BBS9: variants seen among roughly 807,000 people sequenced by gnomAD.
The protein encoded by BBS9 is protein PTHB1.
Under a neutral mutation model 117.7 loss-of-function variants are expected in BBS9, and 89 were observed. The ratio of observed to expected loss-of-function variants is 0.76; its 90% CI spans 0.64 to 0.90. BBS9 has a LOEUF of 0.90. BBS9 is among the 40% of genes least tolerant of loss of function. The pLI, the probability that BBS9 is intolerant of heterozygous loss-of-function variation, is 0.00. For missense variants in BBS9, 982 were observed against 1,042.2 expected, an observed-to-expected ratio of 0.94 and a Z score of 0.80; for synonymous variants, 379 against 370.9, an observed-to-expected ratio of 1.02 and a Z score of -0.25.
chr7:33,198,466 T>G (rs948242058), intron 5 of BBS9, among the ~76,000 whole-genome samples: 7 of 151,984 alleles, frequency 4.6e-5, no homozygotes, highest in African/African-American at 1.7e-4. Flanking sequence ...CCAAGGGAAC[T>G]ATGTAAAAAG....
chr7:33,538,113 A>C (rs1043193938), intron 21 of BBS9, among the ~76,000 whole-genome samples: 5 of 152,202 alleles, frequency 3.3e-5, no homozygotes, highest in African/African-American at 1.2e-4. Flanking sequence ...TCAAGTGAAC[A>C]TTCTCTTAAT....
At chr7:33,606,911 T>C (rs1864604645), downstream of BBS9, among the ~76,000 whole-genome samples, 1 of 152,158 alleles carries the variant, frequency 6.6e-6, no homozygotes, top group Admixed American at 6.6e-5. Flanking sequence ...GTTGTGTCTC[T>C]CTTATATGCC....
At chr7:33,352,195 T>A (rs1436643999) in intron 14 of BBS9, 1 of 153,234 alleles carries the variant, frequency 6.5e-6, no homozygotes, top group Non-Finnish European at 1.5e-5. Flanking sequence ...TTTTAGTGAC[T>A]AAATAAAACT....
intron 15 of BBS9, among the ~76,000 whole-genome samples, chr7:33,353,163 C>T (rs1033907125): frequency 1.3e-5 from 2 of 152,046 alleles, no homozygotes; most frequent in Non-Finnish European, 2.9e-5. Flanking sequence ...CTTATTACTG[C>T]AAGTCATTGG....
chr7:33,206,527 C>G (rs531814719), intron 5 of BBS9, among the ~76,000 whole-genome samples: 30 of 152,066 alleles, frequency 2.0e-4, no homozygotes, highest in African/African-American at 7.0e-4. Flanking sequence ...ACCTTATTTG[C>G]TTTATGTTTT....
intron 21 of BBS9, among the ~76,000 whole-genome samples, chr7:33,536,060 G>A (rs1226082695): frequency 6.6e-6 from 1 of 152,044 alleles, no homozygotes; most frequent in Non-Finnish European, 1.5e-5. Context: ...ATGTATGGAA[G>A]TAAAGGACAG....
At chr7:33,573,736 C>G (rs1026278917) in intron 21 of BBS9, among the ~76,000 whole-genome samples, 3 of 152,104 alleles carry the variant, frequency 2.0e-5, no homozygotes, top group African/African-American at 4.8e-5. Context: ...TTTGTTCCAC[C>G]TTATTTTTTA....
intron 17 of BBS9, among the ~76,000 whole-genome samples, chr7:33,373,310 G>A (rs908809115): frequency 6.6e-6 from 1 of 152,192 alleles, no homozygotes; most frequent in East Asian, 1.9e-4. Context: ...AGAAGACAAC[G>A]CAGAAGTTTT....
chr7:33,328,661 A>G (rs966880555), intron 9 of BBS9, among the ~76,000 whole-genome samples: 1 of 152,244 alleles, frequency 6.6e-6, no homozygotes, highest in Non-Finnish European at 1.5e-5. Flanking sequence ...TGACAATGTG[A>G]TAACCTACAA....
intron 19 of BBS9, among the ~76,000 whole-genome samples, chr7:33,406,264 A>G (rs991134086): frequency 2.6e-5 from 4 of 152,158 alleles, no homozygotes; most frequent in African/African-American, 9.7e-5. Flanking sequence ...ACTTCCAAGT[A>G]TGTGGTCAAT....
At chr7:33,612,990 G>C (rs1451246819) in intron 21 of BBS9, among the ~76,000 whole-genome samples, 1 of 151,984 alleles carries the variant, frequency 6.6e-6, no homozygotes. Flanking sequence ...GCAAAATTAA[G>C]TTGTTTTCAG....
chr7:33,564,609 T>G (rs1283379150), intron 21 of BBS9, among the ~76,000 whole-genome samples: 1 of 152,212 alleles, frequency 6.6e-6, no homozygotes, highest in Non-Finnish European at 1.5e-5. Context: ...GATTTATTCT[T>G]TTTTTTGCGT....
At chr7:33,404,375 G>T (rs540103022) in intron 19 of BBS9, among the ~76,000 whole-genome samples, 1,657 of 152,158 alleles carry the variant, frequency 0.011, 16 homozygotes, top group South Asian at 0.039. Flanking sequence ...TTCCAATTCT[G>T]TGAAGAAAGT....
intron 1 of BBS9, among the ~76,000 whole-genome samples, chr7:33,131,145 T>C (rs1018928885): frequency 6.6e-6 from 1 of 152,246 alleles, no homozygotes. Context: ...AGGGTGAGTT[T>C]GGCATTCGTA....
chr7:33,530,969 A>T (rs1415825353), intron 20 of BBS9, among the ~76,000 whole-genome samples: 1 of 152,146 alleles, frequency 6.6e-6, no homozygotes, highest in Non-Finnish European at 1.5e-5. Flanking sequence ...GCAGGGCCAG[A>T]CATGGTGGCT....
intron 9 of BBS9, among the ~76,000 whole-genome samples, chr7:33,326,349 C>G (rs1338162967): frequency 6.6e-6 from 1 of 151,724 alleles, no homozygotes; most frequent in African/African-American, 2.4e-5. Context: ...GCTCTTCAGT[C>G]AGCTTGTGAT....
chr7:33,430,831 G>T (rs1448390995), intron 19 of BBS9, among the ~76,000 whole-genome samples: 3 of 152,174 alleles, frequency 2.0e-5, no homozygotes, highest in East Asian at 3.9e-4. Flanking sequence ...CTTGGGATTT[G>T]CAGTCTTCAA....
intron 9 of BBS9, among the ~76,000 whole-genome samples, chr7:33,300,503 T>C (rs1806165337): frequency 6.6e-6 from 1 of 152,204 alleles, no homozygotes; most frequent in Non-Finnish European, 1.5e-5. Context: ...AATTTTAATT[T>C]TGTCTTCTTA....
At chr7:33,252,432 A>C (rs1013458022) in intron 5 of BBS9, among the ~76,000 whole-genome samples, 1 of 152,156 alleles carries the variant, frequency 6.6e-6, no homozygotes, top group Non-Finnish European at 1.5e-5. Flanking sequence ...AAACTTTAGC[A>C]TGCACCGTAG....
Sources: allele counts gnomAD v4.1 joint callset (sites outside exome capture counted in the v4.1 genomes callset), GRCh38; gene constraint gnomAD v4.1.1; transcripts MANE v1.5; gene names NCBI Gene and HGNC (gene_info 2026-07-23, HGNC 2026-07-21).